The following CORIN variants were observed in gnomAD, a reference collection of about 807,000 sequenced individuals.
The protein encoded by CORIN is atrial natriuretic peptide-converting enzyme.
In CORIN, 117 loss-of-function variants were observed where a neutral mutation model predicts 125.3. That is an observed-to-expected ratio of 0.93 (90% CI 0.80 to 1.09). The LOEUF is 1.09. Ranked by LOEUF, CORIN falls within the 50% of genes least tolerant of loss-of-function variation. The pLI is 0.00. For missense variants in CORIN, 1,253 were observed against 1,306.7 expected (o/e 0.96, Z 0.63); for synonymous variants, 450 against 466.4 (o/e 0.96, Z 0.45).
intron 11 of CORIN, among the ~76,000 whole-genome samples, chr4:47,662,604 A>G (rs183642260): frequency 2.0e-4 from 31 of 152,246 alleles, no homozygotes; most frequent in Non-Finnish European, 3.5e-4. Flanking sequence ...TCAATATATT[A>G]CTAAGAAATT....
intron 1 of CORIN, 60 bp from the exon 2 acceptor site, chr4:47,807,107 T>C: frequency 5.7e-6 from 8 of 1,404,544 alleles, no homozygotes; most frequent in Non-Finnish European, 7.9e-6. Context: ...GTATGAAATT[T>C]TAGGTTACAG....
At chr4:47,616,252 GTATATTCATATTAATATTCACATACTT>G (rs1255752068) in intron 19 of CORIN, among the ~76,000 whole-genome samples, 5 of 151,982 alleles carry the variant, frequency 3.3e-5, no homozygotes, top group African/African-American at 4.8e-5. Context: ...TGATATTCAA[GTATATTCATATTAATATTCACATACTT>G]TATATTCATA....
chr4:47,735,696 G>A (rs893773851), intron 5 of CORIN, among the ~76,000 whole-genome samples: 10 of 151,948 alleles, frequency 6.6e-5, no homozygotes, highest in Non-Finnish European at 1.0e-4. Flanking sequence ...CGAGGCGGGC[G>A]GATCACGAGG....
rs572197030 is a variant in CORIN at position 47,650,663 on chromosome 4, C to T, written c.1843+2890G>A. Among the ~76,000 whole-genome samples the T allele has an allele frequency of 2.0e-5, 3 of 152,314 alleles. No homozygotes were observed. The South Asian group carries it at 6.2e-4, about 32-fold the overall frequency. ...ATGCTCCACTGCATGGCTATCAATG[C>T]TTGGAAAATGTTACGTTGAAAATAA... On this transcript the variant is annotated intron_variant, in intron 13 of 21. Transcript: ENST00000273857.
chr4:47,684,957 A>C (rs1330646542), intron 6 of CORIN, among the ~76,000 whole-genome samples: 3 of 152,204 alleles, frequency 2.0e-5, no homozygotes, highest in Non-Finnish European at 4.4e-5. Flanking sequence ...AAGGCAAATT[A>C]AAACCACAAG....
chr4:47,736,862 A>C (rs1372356816), intron 5 of CORIN, among the ~76,000 whole-genome samples: 1 of 152,236 alleles, frequency 6.6e-6, no homozygotes, highest in African/African-American at 2.4e-5. Flanking sequence ...AGAGACAAAA[A>C]TTAGAGTTTG....
chr4:47,664,983 G>A (rs1447109632), intron 11 of CORIN, 49 bp downstream of exon 11: 8 of 1,331,896 alleles, frequency 6.0e-6, no homozygotes, highest in Non-Finnish European at 8.6e-6. Context: ...TCACCCCTTG[G>A]TTCTCTCTGA....
At chr4:47,774,870 G>A (rs1306171107) in intron 3 of CORIN, among the ~76,000 whole-genome samples, 1 of 152,168 alleles carries the variant, frequency 6.6e-6, no homozygotes, top group Admixed American at 6.5e-5. Context: ...GGCAAATACT[G>A]CATGATTCCA....
chr4:47,830,227 G>GT (rs1050095248), intron 1 of CORIN, among the ~76,000 whole-genome samples: 100 of 147,700 alleles, frequency 6.8e-4, no homozygotes, highest in East Asian at 3.1e-3. Context: ...CATGGTGTTT[G>GT]TTTTTTTTTT....
At chr4:47,814,978 A>T (rs540569276) in intron 1 of CORIN, among the ~76,000 whole-genome samples, 1 of 152,296 alleles carries the variant, frequency 6.6e-6, no homozygotes, top group South Asian at 2.1e-4. Flanking sequence ...GTATCCTATC[A>T]AGGAGACTAG....
chr4:47,697,385 T>G (rs973213603), intron 5 of CORIN, among the ~76,000 whole-genome samples: 2 of 152,128 alleles, frequency 1.3e-5, no homozygotes, highest in East Asian at 3.9e-4. Context: ...ATATTTTCAG[T>G]AGGTATGGAT....
At position 47,603,400 on chromosome 4, in the gene CORIN, T is replaced by A; in HGVS notation, c.2809A>T (p.Lys937Ter). 6.2e-7 allele frequency: 1 copy of A among 1,613,874 alleles called. No individual in the cohort carries two copies. The highest frequency in any genetic ancestry group is 8.5e-7 in the Non-Finnish European group (1 of 1,179,976). Reference sequence around the variant, plus strand: ...ATGGACTAATACACTGGCTTACTTTTATTGCCCATGTGGCCCCAGCCTGTG... The same window carrying A: ...ATGGACTAATACACTGGCTTACTTTAATTGCCCATGTGGCCCCAGCCTGTG... ...YITGWGHMGN[K>*]MPFKLQEGEV... Residue 937 changes from lysine (K) to a stop codon, truncating the protein, a stop_gained, in exon 20 of 22, where the codon AAA (lysine) becomes TAA (stop). Transcript: ENST00000273857. LOFTEE classifies it high-confidence loss of function.
chr4:47,619,172 G>A (rs891896712), intron 19 of CORIN, among the ~76,000 whole-genome samples: 4 of 152,154 alleles, frequency 2.6e-5, no homozygotes, highest in East Asian at 3.8e-4. Context: ...TTTTGAAAGC[G>A]AATTGTCACT....
chr4:47,790,194 G>C, intron 2 of CORIN: 2 of 984,802 alleles, frequency 2.0e-6, no homozygotes, highest in Non-Finnish European at 2.4e-6. Context: ...AGTCTTAACT[G>C]CCATAAAGGA....
chr4:47,599,017 A>T (rs1025213590), intron 21 of CORIN, among the ~76,000 whole-genome samples: 3 of 152,204 alleles, frequency 2.0e-5, no homozygotes, highest in African/African-American at 7.2e-5. Context: ...GAGAGGTTAG[A>T]TAACTTCCCC....
intron 10 of CORIN, among the ~76,000 whole-genome samples, chr4:47,667,480 G>A (rs556959720): frequency 6.6e-6 from 1 of 152,308 alleles, no homozygotes; most frequent in East Asian, 1.9e-4. Flanking sequence ...AAGACTCCAT[G>A]CCTTATTGAG....
At chr4:47,661,117 G>A (rs1191646814) in intron 12 of CORIN, among the ~76,000 whole-genome samples, 1 of 152,188 alleles carries the variant, frequency 6.6e-6, no homozygotes, top group East Asian at 1.9e-4. Flanking sequence ...ATTTGTGGGA[G>A]CTGAAAATTA....
In CORIN at chr4:47,676,272, C is replaced by G. The variant is rs545993182; in HGVS notation, c.1249+1666G>C. On this transcript the variant is annotated intron_variant, in intron 9 of 21. Coordinates refer to ENST00000273857, the MANE Select transcript of CORIN (RefSeq NM_006587.4). ...CTCTCTAATCACAATGGTCTGCCTT[C>G]TCTCATGGTCCTCCTACACATGCCT... Among the ~76,000 whole-genome samples, 13 of 152,284 alleles carry G rather than the reference C, an allele frequency of 8.5e-5. No homozygotes were observed. The South Asian group carries it at 2.3e-3, about 27-fold the overall frequency.
At chr4:47,784,115 T>C (rs1730676590) in intron 3 of CORIN, among the ~76,000 whole-genome samples, 1 of 152,146 alleles carries the variant, frequency 6.6e-6, no homozygotes, top group Non-Finnish European at 1.5e-5. Flanking sequence ...GGTATGCTAC[T>C]ACCTGTCTGG....
Sources: gnomAD v4.1 joint callset for allele counts (sites outside exome capture counted in the v4.1 genomes callset) on GRCh38, gnomAD v4.1.1 for gene constraint, MANE v1.5 for transcripts, NCBI Gene and HGNC (gene_info 2026-07-23, HGNC 2026-07-21) for gene names.